TMEM178B: variants seen among roughly 807,000 people sequenced by gnomAD.
TMEM178B encodes the protein transmembrane protein 178B.
A neutral mutation model predicts 31.0 loss-of-function variants in TMEM178B; 5 were observed. That is an observed-to-expected ratio of 0.16 (90% CI 0.08 to 0.34). The LOEUF (loss-of-function observed/expected upper bound fraction) is 0.34. TMEM178B is among the 10% of genes least tolerant of loss of function. TMEM178B has a pLI of 1.00. For missense variants in TMEM178B, 275 were observed against 400.3 expected, an observed-to-expected ratio of 0.69 and a Z score of 2.67; for synonymous variants, 164 against 164.0, an observed-to-expected ratio of 1.00 and a Z score of 0.00.
At chr7:141,173,630 C>A (rs568064785) in intron 1 of TMEM178B, among the ~76,000 whole-genome samples, 1 of 152,242 alleles carries the variant, frequency 6.6e-6, no homozygotes, top group East Asian at 1.9e-4. Context: ...GGGATCATTT[C>A]CTTCTGAATG....
Position 141,277,517 on chromosome 7 carries a change from C to T in TMEM178B, c.496+64813C>T, listed in dbSNP as rs184358130. 4.7e-3 allele frequency among the ~76,000 whole-genome samples: 722 copies of T among 152,224 alleles called. 2 individuals are homozygous for T. Among genetic ancestry groups the T allele is most frequent in the Non-Finnish European group, 7.2e-3 (487 of 68,022 alleles). On this transcript the variant is annotated intron_variant, in intron 2 of 3. Transcript: ENST00000565468. Reference sequence around the variant, plus strand: ...TCTGGAATCCCTCCTGAAGGACCTGCCTGAGGCTCTTTTACAGTTAACTTT... The same window carrying T: ...TCTGGAATCCCTCCTGAAGGACCTGTCTGAGGCTCTTTTACAGTTAACTTT...
At chr7:141,076,238 G>A (rs1345924856) in intron 1 of TMEM178B, among the ~76,000 whole-genome samples, 1 of 152,198 alleles carries the variant, frequency 6.6e-6, no homozygotes, top group Non-Finnish European at 1.5e-5. Context: ...AGAGGGCCTA[G>A]AATAGTTTTT....
intron 2 of TMEM178B, among the ~76,000 whole-genome samples, chr7:141,432,484 G>C (rs1408439996): frequency 6.6e-6 from 1 of 152,156 alleles, no homozygotes. Flanking sequence ...CCACTCTACT[G>C]TGTGCGTTTT....
intron 2 of TMEM178B, among the ~76,000 whole-genome samples, chr7:141,303,152 A>T (rs1298673897): frequency 6.6e-6 from 1 of 151,946 alleles, no homozygotes; most frequent in Non-Finnish European, 1.5e-5. Context: ...CGTTCTTTGG[A>T]TGTGTGCATC....
chr7:141,483,937 C>T (rs1360261945), downstream of TMEM178B, among the ~76,000 whole-genome samples: 5 of 151,960 alleles, frequency 3.3e-5, no homozygotes, highest in East Asian at 1.9e-4. Context: ...GGTTTTACCA[C>T]GTTGGCCAGG....
chr7:141,229,697 A>AGGATCACTT (rs1797410613), intron 2 of TMEM178B, among the ~76,000 whole-genome samples: 1 of 152,106 alleles, frequency 6.6e-6, no homozygotes, highest in South Asian at 2.1e-4. Context: ...CCGAAGTAGA[A>AGGATCACTT]GGATCACTTG....
At chr7:141,190,068 C>T (rs1178995480) in intron 1 of TMEM178B, among the ~76,000 whole-genome samples, 2 of 152,192 alleles carry the variant, frequency 1.3e-5, no homozygotes, top group East Asian at 3.8e-4. Flanking sequence ...GGTTTAATGT[C>T]TTAAAAGCAT....
At chr7:141,508,779 G>A in the TMEM178B span, among the ~76,000 whole-genome samples, 1 of 152,140 alleles carries the variant, frequency 6.6e-6, no homozygotes, top group African/African-American at 2.4e-5. Context: ...AGGAAAGACT[G>A]GCCCCATGAT....
intron 2 of TMEM178B, among the ~76,000 whole-genome samples, chr7:141,219,791 C>T (rs977376724): frequency 6.6e-6 from 1 of 152,118 alleles, no homozygotes; most frequent in Admixed American, 6.5e-5. Context: ...GTAACTCATG[C>T]CAGGACACTT....
intron 2 of TMEM178B, among the ~76,000 whole-genome samples, chr7:141,360,835 T>G (rs774786133): frequency 2.6e-5 from 4 of 152,062 alleles, no homozygotes; most frequent in Non-Finnish European, 5.9e-5. Context: ...GGTGTACTGA[T>G]AAGTAAGAAT....
At chr7:141,170,730 G>A (rs997405144) in intron 1 of TMEM178B, among the ~76,000 whole-genome samples, 1 of 152,130 alleles carries the variant, frequency 6.6e-6, no homozygotes, top group Admixed American at 6.5e-5. Context: ...ACTGTGGGGC[G>A]GGGACAGACA....
intron 2 of TMEM178B, among the ~76,000 whole-genome samples, chr7:141,384,118 G>A (rs1032921005): frequency 6.6e-6 from 1 of 152,052 alleles, no homozygotes; most frequent in African/African-American, 2.4e-5. Flanking sequence ...CCGGATATTA[G>A]CCCTTTGTCA....
intron 3 of TMEM178B, among the ~76,000 whole-genome samples, chr7:141,443,973 CT>C (rs1455237272): frequency 6.6e-6 from 1 of 152,156 alleles, no homozygotes; most frequent in African/African-American, 2.4e-5. Flanking sequence ...GCTCCTGTGC[CT>C]GTTTGAGATA....
intron 3 of TMEM178B, among the ~76,000 whole-genome samples, chr7:141,455,974 A>T (rs1331543498): frequency 6.6e-6 from 1 of 152,270 alleles, no homozygotes; most frequent in Non-Finnish European, 1.5e-5. Flanking sequence ...GAGAGATTTC[A>T]TTCAGGACAC....
rs1321230534 is a variant in TMEM178B, at chr7:141,422,770, G to A, written c.497-14838G>A. ...GGCTGGAGTGGGGAAGCTCCCATGG[G>A]GAGAGAATAGAAATGCAAGAAACTG... On this transcript the variant is annotated intron_variant, in intron 2 of 3. Transcript: ENST00000565468. The surrounding 1 kb of genome is among the most constrained non-coding windows in gnomAD (Gnocchi z 4.2). 6.6e-6 allele frequency among the ~76,000 whole-genome samples: 1 copy of A among 152,128 alleles called. No individual in the cohort carries two copies. The highest frequency in any genetic ancestry group is 1.9e-4 in the East Asian group (1 of 5,178).
At chr7:141,161,402 G>T (rs571887386) in intron 1 of TMEM178B, among the ~76,000 whole-genome samples, 1 of 152,320 alleles carries the variant, frequency 6.6e-6, no homozygotes, top group African/African-American at 2.4e-5. Context: ...GAAAGGCAGA[G>T]GATTCTAATA....
At chr7:141,468,726 A>G (rs994174544) in intron 3 of TMEM178B, among the ~76,000 whole-genome samples, 1 of 152,080 alleles carries the variant, frequency 6.6e-6, no homozygotes, top group Non-Finnish European at 1.5e-5. Flanking sequence ...ACACACAAGA[A>G]GTGGGTTTAG....
At chr7:141,429,696 C>T (rs1027480069) in intron 2 of TMEM178B, 10 of 152,176 alleles carry the variant, frequency 6.6e-5, no homozygotes, top group Non-Finnish European at 1.2e-4. Flanking sequence ...GTAGCTGTTA[C>T]GTGCTCCTCC....
chr7:141,175,342 C>A (rs578177565), intron 1 of TMEM178B, among the ~76,000 whole-genome samples: 1 of 152,260 alleles, frequency 6.6e-6, no homozygotes, highest in Non-Finnish European at 1.5e-5. Context: ...GGTACCAGTA[C>A]CATGCTCTTT....
Sources: allele counts gnomAD v4.1 joint callset (sites outside exome capture counted in the v4.1 genomes callset), GRCh38; gene constraint gnomAD v4.1.1; non-coding constraint Gnocchi (gnomAD v3.1); transcripts MANE v1.5; gene names NCBI Gene and HGNC (gene_info 2026-07-23, HGNC 2026-07-21).